The following FN1 variants were observed in gnomAD, a reference collection of about 807,000 sequenced individuals.
FN1 encodes fibronectin 1.
A neutral mutation model predicts 297.3 loss-of-function variants in FN1; 106 were observed. The observed-to-expected ratio is 0.36, with a 90% CI of 0.30 to 0.42. FN1 has a LOEUF of 0.42. Among genes scored for constraint, FN1 ranks in the 10% least tolerant of loss-of-function variants. The pLI, the probability that FN1 is intolerant of heterozygous loss-of-function variation, is 1.00. For missense variants in FN1, 2,690 were observed against 3,124.9 expected (o/e 0.86, Z 3.32); for synonymous variants, 1,149 against 1,152.6 (o/e 1.00, Z 0.06).
intron 42 of FN1, among the ~76,000 whole-genome samples, chr2:215,367,389 T>G (rs1203653100): frequency 6.6e-6 from 1 of 152,200 alleles, no homozygotes; most frequent in African/African-American, 2.4e-5. Context: ...ACCTGGGCTA[T>G]GTGTGTGACG....
Position 215,434,814 on chromosome 2 carries a change from A to C in FN1, c.159T>G (p.Tyr53Ter). 6.2e-7 allele frequency: 1 copy of C among 1,610,992 alleles called. No homozygotes were observed. Reference sequence around the variant, plus strand: ...TTATCTGATAGTGTTTTCCATTGTCATAACAACCGGCTGCAAATAATTGAA... The same window carrying C: ...TTATCTGATAGTGTTTTCCATTGTCCTAACAACCGGCTGCAAATAATTGAA... The part of the protein sequence containing the change: ...VAVSQSKPGC[Y>*]DNGKHYQINQ... Residue 53 changes from tyrosine to a stop codon, truncating the protein, a stop_gained, in exon 2 of 46, where the codon TAT becomes TAG. Coordinates refer to ENST00000354785, the MANE Select transcript of FN1 (RefSeq NM_212482.4). LOFTEE classifies it high-confidence loss of function.
chr2:215,407,132 C>T lies in FN1; in HGVS notation c.2708G>A (p.Arg903His), dbSNP rs1330722076. Residue 903 changes from arginine to histidine, a missense_variant, in exon 18 of 46, where the codon CGC (arginine) becomes CAC (histidine). Coordinates refer to ENST00000354785, the MANE Select transcript of FN1 (RefSeq NM_212482.4). ...VIQQETTGTP[R>H]SDTVPSPRDL... ...TGTCTTCTTAAAAAAGTTACCTGAG[C>T]GTGGGGTGCCAGTGGTTTCTTGTTG... 1.9e-6 allele frequency: 3 copies of T among 1,613,208 alleles called. No homozygotes were observed. Among genetic ancestry groups the T allele is most frequent in the Non-Finnish European group, 2.5e-6 (3 of 1,179,282 alleles).
intron 19 of FN1, 22 bp from the exon 20 acceptor site, chr2:215,404,677 G>A (rs1010921884): frequency 6.2e-7 from 1 of 1,607,010 alleles, no homozygotes; most frequent in Non-Finnish European, 8.5e-7. Context: ...GATGAAACAT[G>A]CCAAGAAATA....
At chr2:215,375,938 G>A (rs1214462148) in intron 36 of FN1, among the ~76,000 whole-genome samples, 2 of 152,192 alleles carry the variant, frequency 1.3e-5, no homozygotes, top group Non-Finnish European at 2.9e-5. Flanking sequence ...AAGGACACTG[G>A]TAAAGTAAAT....
At chr2:215,430,974 T>C (rs2066411665) in intron 4 of FN1, 122 bp from the exon 5 acceptor site, 1 of 974,700 alleles carries the variant, frequency 1.0e-6, no homozygotes, top group Non-Finnish European at 1.6e-6. Flanking sequence ...AGTGGCACTC[T>C]GTTCAGAAAG....
intron 12 of FN1, 117 bp downstream of exon 12, chr2:215,419,125 A>G (rs2063838571): frequency 1.3e-6 from 1 of 799,192 alleles, no homozygotes; most frequent in Non-Finnish European, 2.2e-6. Flanking sequence ...TAATAACAAG[A>G]GAAAAGGGTG....
chr2:215,404,286 C>T (rs1355216178), intron 20 of FN1, 103 bp downstream of exon 20: 6 of 1,216,600 alleles, frequency 4.9e-6, no homozygotes, highest in Non-Finnish European at 7.1e-6. Flanking sequence ...AAATTATGTA[C>T]TAATTTTTTA....
At chr2:215,412,345 A>G (rs2062776612) in intron 13 of FN1, among the ~76,000 whole-genome samples, 1 of 152,216 alleles carries the variant, frequency 6.6e-6, no homozygotes, top group Non-Finnish European at 1.5e-5. Context: ...TCTTGCCTCC[A>G]TGTAGACAAC....
intron 11 of FN1, 65 bp downstream of exon 11, chr2:215,420,608 T>C: frequency 6.3e-7 from 1 of 1,596,508 alleles, no homozygotes. Context: ...ACATAGCTTT[T>C]CTTATCTGAA....
At chr2:215,397,059 G>T in intron 23 of FN1, 78 bp downstream of exon 23, 1 of 956,000 alleles carries the variant, frequency 1.0e-6, no homozygotes, top group Non-Finnish European at 1.7e-6. Context: ...TTCTTTCTCT[G>T]AAAGAAACAC....
At chr2:215,428,887 C>T (rs1004565247) in intron 5 of FN1, among the ~76,000 whole-genome samples, 2 of 151,958 alleles carry the variant, frequency 1.3e-5, no homozygotes, top group African/African-American at 2.4e-5. Flanking sequence ...TGGTGGCGGG[C>T]GCCTGTAATC....
intron 3 of FN1, 40 bp from the exon 4 acceptor site, chr2:215,432,004 C>T: frequency 6.2e-7 from 1 of 1,605,628 alleles, no homozygotes; most frequent in South Asian, 1.1e-5. Context: ...GAGGGCAGAA[C>T]AGATTTTTTT....
At position 215,384,985 on chromosome 2, in the gene FN1, AAAAG is replaced by A. The variant is rs1559403352; in HGVS notation, c.4613-13_4613-10del. ...CCTCGGAACATCAGAAACTAGAAAA[AAAAG>A]GGAAACTTTTCACATCCGTAATTTT... On this transcript the variant is annotated splice_polypyrimidine_tract_variant and intron_variant, in intron 28 of 45. Coordinates refer to ENST00000354785, the MANE Select transcript of FN1 (RefSeq NM_212482.4). The A allele has an allele frequency of 2.5e-6, 4 of 1,588,762 alleles. No individual in the cohort carries two copies. Among genetic ancestry groups the A allele is most frequent in the Non-Finnish European group, 3.5e-6 (4 of 1,156,908 alleles).
In FN1 at chr2:215,409,650, C is replaced by T. The variant is rs751873619; in HGVS notation, c.2212G>A (p.Val738Ile). The T allele has an allele frequency of 1.5e-5, 24 of 1,613,936 alleles. No homozygotes were observed. The highest frequency in any genetic ancestry group is 5.0e-5 in the Admixed American group (3 of 60,008). Reference protein sequence around the residue: ...VTEITASSFVVSWVSASDTVS... With the variant: ...VTEITASSFVISWVSASDTVS... ...GTGTCGGAAGCTGAGACCCAGGAGA[C>T]CACAAAGCTACTGGCTGTGATTTCG... Residue 738 changes from valine to isoleucine, a missense_variant, in exon 15 of 46, where the codon GTC (valine) becomes ATC (isoleucine). Val to Ile is a conservative substitution (Grantham distance 29). Transcript: ENST00000354785.
In FN1 at chr2:215,379,210, T is replaced by A; in HGVS notation, c.5542A>T (p.Thr1848Ser). ...ATTGGTCCGGTCTTCTCCTTGGGGG[T>A]CACCCGCACTCGATATCCAGTGAGC... ...VQLTGYRVRV[T>S]PKEKTGPMKE... Residue 1848 changes from threonine to serine, a missense_variant, in exon 34 of 46, where the codon ACC (threonine) becomes TCC (serine). Thr to Ser is a moderately conservative substitution (Grantham distance 58). This residue lies in a region of FN1 where 1,743 missense variants were observed against 1,945.2 expected (regional missense o/e 0.90). Coordinates refer to ENST00000354785, the MANE Select transcript of FN1 (RefSeq NM_212482.4). 6.2e-7 allele frequency: 1 copy of A among 1,614,066 alleles called. No homozygotes were observed. Among genetic ancestry groups the A allele is most frequent in the Middle Eastern group, 1.6e-4 (1 of 6,062 alleles).
chr2:215,370,246 G>A (rs756035028), intron 41 of FN1, 48 bp downstream of exon 41: 13 of 1,596,898 alleles, frequency 8.1e-6, no homozygotes, highest in East Asian at 6.7e-5. Flanking sequence ...CCCATCTCTG[G>A]TGTACAGCAG....
Position 215,384,964 on chromosome 2 carries a change from G to A in FN1, c.4625C>T (p.Pro1542Leu), listed in dbSNP as rs528467805. 4.3e-6 allele frequency: 7 copies of A among 1,612,342 alleles called. No homozygotes were observed. The highest frequency in any genetic ancestry group is 2.2e-5 in the East Asian group (1 of 44,828). ...IGQQSTVSDV[P>L]RDLEVVAATP... ...CGCAGCAACAACTTCCAGGTCCCTC[G>A]GAACATCAGAAACTAGAAAAAAAAG... is the stretch of plus-strand genomic sequence containing the variant. Residue 1542 changes from proline (P) to leucine (L), a missense_variant, in exon 29 of 46, where the codon CCG becomes CTG. Around this residue, in one of 3 missense-constraint regions of FN1, gnomAD observed 1,743 missense variants for 1,945.2 expected, o/e 0.90. Transcript: ENST00000354785.
rs1302149721 is a variant in FN1 at position 215,401,252 on chromosome 2, AAGAAAGAAAGG to A, written c.3254-1912_3254-1902del. On this transcript the variant is annotated intron_variant, in intron 20 of 45. Coordinates refer to ENST00000354785, the MANE Select transcript of FN1 (RefSeq NM_212482.4). ...AAAGAAAGAAAGAAAGAAAGAAAGG[AAGAAAGAAAGG>A]AAGGAAAGGAAAGGAAAGGAAGAAA... Among the ~76,000 whole-genome samples, 70 of 22,446 alleles carry A rather than the reference AAGAAAGAAAGG, an allele frequency of 3.1e-3. 3 individuals carry two copies. Among genetic ancestry groups the A allele is most frequent in the African/African-American group, 9.7e-3 (68 of 7,022 alleles). The allele number at this position is 22,446 out of a possible 152,430, so 14.7% of individuals were successfully genotyped here. A position where few individuals can be genotyped will look rare whatever the true frequency, so the allele number is the denominator to read the frequency against.
chr2:215,415,744 G>T (rs1272059308), intron 12 of FN1, among the ~76,000 whole-genome samples: 1 of 152,068 alleles, frequency 6.6e-6, no homozygotes, highest in Admixed American at 6.6e-5. Context: ...TTAAAGTATG[G>T]TTTTGGTTCT....
Sources: gnomAD v4.1 joint callset for allele counts (sites outside exome capture counted in the v4.1 genomes callset) on GRCh38, gnomAD v4.1.1 for gene constraint, gnomAD v4.1.1 regional missense constraint, MANE v1.5 for transcripts, NCBI Gene and HGNC (gene_info 2026-07-23, HGNC 2026-07-21) for gene names.